The following SUFU variants were observed in gnomAD, a reference collection of about 807,000 sequenced individuals.
The protein encoded by SUFU is SUFU negative regulator of hedgehog signaling, also known as suppressor of fused homolog.
In SUFU, 7 loss-of-function variants were observed where a neutral mutation model predicts 58.9. The ratio of observed to expected loss-of-function variants is 0.12; its 90% CI spans 0.07 to 0.22. SUFU has a LOEUF of 0.22. SUFU is among the 10% of genes least tolerant of loss of function. SUFU has a pLI of 1.00. For missense variants in SUFU, 451 were observed against 641.3 expected (o/e 0.70, Z 3.20); for synonymous variants, 232 against 254.8 (o/e 0.91, Z 0.85).
intron 3 of SUFU, among the ~76,000 whole-genome samples, chr10:102,571,529 A>G (rs574439129): frequency 1.3e-5 from 2 of 152,154 alleles, no homozygotes; most frequent in Non-Finnish European, 2.9e-5. Flanking sequence ...AAACAAACAA[A>G]CAAACAAAAA....
intron 8 of SUFU, among the ~76,000 whole-genome samples, chr10:102,614,833 AC>A (rs2063668101): frequency 6.6e-6 from 1 of 150,982 alleles, no homozygotes; most frequent in Non-Finnish European, 1.5e-5. Flanking sequence ...CTGAAATCGC[AC>A]CACTGTGCTC....
chr10:102,545,938 C>T (rs2062850316), intron 2 of SUFU, among the ~76,000 whole-genome samples: 2 of 152,182 alleles, frequency 1.3e-5, no homozygotes, highest in African/African-American at 2.4e-5. Context: ...CGCACCACTG[C>T]ACTCCAGCCT....
rs542479621 is a variant in SUFU, at chr10:102,531,322, C to G, written c.318-18648C>G. ...AACTGACAGATCAAAAATTGGAGAG[C>G]CTTGGAGTCTTAACCAAGGGGCCAG... On this transcript the variant is annotated intron_variant, in intron 2 of 11. Transcript: ENST00000369902. Among the ~76,000 whole-genome samples the G allele has an allele frequency of 5.7e-4, 86 of 152,180 alleles. No homozygotes were observed. In the Middle Eastern group the frequency reaches 0.01, roughly 18 times the overall value.
intron 3 of SUFU, among the ~76,000 whole-genome samples, chr10:102,557,068 G>A (rs1385034718): frequency 7.9e-5 from 12 of 151,866 alleles, no homozygotes; most frequent in South Asian, 6.3e-4. Flanking sequence ...GCAATAGAGC[G>A]AGACTCCCTC....
At chr10:102,526,556 AAAAT>A (rs1466418081) in intron 2 of SUFU, among the ~76,000 whole-genome samples, 1 of 152,190 alleles carries the variant, frequency 6.6e-6, no homozygotes, top group Admixed American at 6.5e-5. Flanking sequence ...CTGTCTTAAA[AAAAT>A]AAATAAAATT....
At chr10:102,563,277 T>C (rs2063057151) in intron 3 of SUFU, among the ~76,000 whole-genome samples, 1 of 152,174 alleles carries the variant, frequency 6.6e-6, no homozygotes, top group Admixed American at 6.6e-5. Context: ...TGCCGTTAGC[T>C]AGTAGAGACA....
rs978312925 is a variant in SUFU, at chr10:102,504,198, C to A, written c.46C>A (p.Pro16Thr). ...PSGAPGPTAP[P>T]APGPTAPPAF... ...CGGCGCCCCCGGCCCCACCGCGCCC[C>A]CGGCCCCTGGCCCGACTGCCCCCCC... Residue 16 changes from proline (P) to threonine (T), a missense_variant, in exon 1 of 12, where the codon CCG (proline) becomes ACG (threonine). Coordinates refer to ENST00000369902, the MANE Select transcript of SUFU (RefSeq NM_016169.4). 8 of 1,581,274 alleles carry A rather than the reference C, an allele frequency of 5.1e-6. No individual in the cohort carries two copies. The highest frequency in any genetic ancestry group is 6.9e-6 in the Non-Finnish European group (8 of 1,165,804).
intron 7 of SUFU, among the ~76,000 whole-genome samples, chr10:102,599,222 G>A (rs2063492536): frequency 6.6e-6 from 1 of 152,140 alleles, no homozygotes; most frequent in African/African-American, 2.4e-5. Context: ...TACAAGAATG[G>A]TACTCTTCCA....
At chr10:102,530,291 TC>T (rs1466953016) in intron 2 of SUFU, among the ~76,000 whole-genome samples, 1 of 151,796 alleles carries the variant, frequency 6.6e-6, no homozygotes, top group African/African-American at 2.4e-5. Flanking sequence ...CTCCAAAGGG[TC>T]CAAAGATCGT....
chr10:102,621,372 G>A (rs1162575533), intron 10 of SUFU, among the ~76,000 whole-genome samples: 1 of 152,138 alleles, frequency 6.6e-6, no homozygotes, highest in Non-Finnish European at 1.5e-5. Context: ...CTGTGATGCC[G>A]CCCTGTGTCC....
chr10:102,570,003 G>A (rs1466891002), intron 3 of SUFU, among the ~76,000 whole-genome samples: 5 of 152,148 alleles, frequency 3.3e-5, no homozygotes, highest in Non-Finnish European at 7.4e-5. Flanking sequence ...ATATGGAAAA[G>A]GGATTTGACT....
rs535323089 is a variant in SUFU, at chr10:102,615,408, C to T, written c.1157+6C>T. The T allele has an allele frequency of 8.7e-6, 14 of 1,613,932 alleles. No individual in the cohort carries two copies. In the East Asian group the frequency reaches 2.2e-4, roughly 26 times the overall value. ...CTCATTCCTCTCTGCCTAAGGTGAG[C>T]GAGACAGCCCTGCCACACAGTTTAC... On this transcript the variant is annotated splice_donor_region_variant and intron_variant, in intron 9 of 11. Transcript: ENST00000369902.
chr10:102,545,116 CTT>C (rs555758506), intron 2 of SUFU, among the ~76,000 whole-genome samples: 4 of 143,328 alleles, frequency 2.8e-5, no homozygotes, highest in Admixed American at 7.0e-5. Context: ...TTTCTTTTTT[CTT>C]TTTTTTTTTA....
intron 2 of SUFU, among the ~76,000 whole-genome samples, chr10:102,543,819 C>T (rs2062827098): frequency 6.6e-6 from 1 of 152,124 alleles, no homozygotes; most frequent in Admixed American, 6.6e-5. Context: ...AATGTTTAAT[C>T]CCCAATAACA....
rs1413585499 is a variant in SUFU, at chr10:102,629,170, AAGAC to A, written c.1366-891_1366-888del. 2.0e-5 allele frequency among the ~76,000 whole-genome samples: 3 copies of A among 152,202 alleles called. No homozygotes were observed. Among genetic ancestry groups the A allele is most frequent in the Non-Finnish European group, 4.4e-5 (3 of 68,030 alleles). Reference sequence around the variant, plus strand: ...AAACTCCGTCTCAAAAGAAAAAGAAAAGACAGACCCTGTGTCTAAGTTCCGGTAT... The same window carrying A: ...AAACTCCGTCTCAAAAGAAAAAGAAAAGACCCTGTGTCTAAGTTCCGGTAT... On this transcript the variant is annotated intron_variant, in intron 11 of 11. Transcript: ENST00000369902. The surrounding 1 kb of genome is among the most constrained non-coding windows in gnomAD (Gnocchi z 4.7).
In SUFU at chr10:102,615,394, C is replaced by T. The variant is rs1393227252; in HGVS notation, c.1149C>T (p.Leu383=). The T allele has an allele frequency of 4.3e-6, 7 of 1,614,090 alleles. No individual in the cohort carries two copies. In the South Asian group the frequency reaches 7.7e-5, roughly 18 times the overall value. ...FNQESGALIP[L]CLRGRLLHGR... ...AGGAGTCCGGAGCCCTCATTCCTCT[C>T]TGCCTAAGGTGAGCGAGACAGCCCT... Residue 383 remains leucine, a synonymous_variant, in exon 9 of 12, where the codon CTC becomes CTT. Coordinates refer to ENST00000369902, the MANE Select transcript of SUFU (RefSeq NM_016169.4).
chr10:102,534,071 C>T (rs1258250716), intron 2 of SUFU, among the ~76,000 whole-genome samples: 16 of 152,114 alleles, frequency 1.1e-4, no homozygotes, highest in Admixed American at 1.0e-3. Flanking sequence ...TGGCTGAAGC[C>T]ATTTCATGAG....
intron 2 of SUFU, among the ~76,000 whole-genome samples, chr10:102,529,718 G>A (rs1022960033): frequency 3.3e-5 from 5 of 151,798 alleles, no homozygotes; most frequent in African/African-American, 7.3e-5. Flanking sequence ...AGGCCAAGGC[G>A]GGCAGATCAC....
At chr10:102,511,141 A>AG (rs2062396606) in intron 2 of SUFU, among the ~76,000 whole-genome samples, 1 of 63,344 alleles carries the variant, frequency 1.6e-5, no homozygotes. Flanking sequence ...AAAAAAAGTA[A>AG]TAATAATAAT....
Sources: gnomAD v4.1 joint callset for allele counts (sites outside exome capture counted in the v4.1 genomes callset) on GRCh38, gnomAD v4.1.1 for gene constraint, Gnocchi (gnomAD v3.1) non-coding constraint, MANE v1.5 for transcripts, NCBI Gene and HGNC (gene_info 2026-07-23, HGNC 2026-07-21) for gene names.